STPG2: variants seen among roughly 807,000 people sequenced by gnomAD.
STPG2 encodes sperm tail PG-rich repeat containing 2.
Under a neutral mutation model 54.2 loss-of-function variants are expected in STPG2, and 56 were observed. The ratio of observed to expected loss-of-function variants is 1.03; its 90% CI spans 0.83 to 1.29. STPG2 has a LOEUF of 1.29. Ranked by LOEUF, STPG2 falls within the 50% of genes most tolerant of loss-of-function variation. The pLI is 0.00. For synonymous variants in STPG2, 200 were observed against 181.8 expected (o/e 1.10, Z -0.81); for missense variants, 596 against 544.9 (o/e 1.09, Z -0.93).
At chr4:97,788,095 C>T (rs1578564392) in intron 9 of STPG2, among the ~76,000 whole-genome samples, 1 of 151,984 alleles carries the variant, frequency 6.6e-6, no homozygotes, top group East Asian at 1.9e-4. Flanking sequence ...CAATTAGACT[C>T]TTAGTTATTT....
intron 10 of STPG2, among the ~76,000 whole-genome samples, chr4:97,696,457 G>T (rs1302458369): frequency 6.6e-6 from 1 of 152,170 alleles, no homozygotes; most frequent in African/African-American, 2.4e-5. Flanking sequence ...TTTAGACACT[G>T]GCTTAGGCCA....
At chr4:98,121,542 T>C (rs1739679165) in intron 3 of STPG2, among the ~76,000 whole-genome samples, 1 of 152,238 alleles carries the variant, frequency 6.6e-6, no homozygotes, top group African/African-American at 2.4e-5. Context: ...TTTTCATTTG[T>C]TTGTGTCCGT....
chr4:97,555,744 A>G (rs146605354), downstream of STPG2, among the ~76,000 whole-genome samples: 1 of 152,212 alleles, frequency 6.6e-6, no homozygotes, highest in African/African-American at 2.4e-5. Context: ...CTAAACAGAA[A>G]CCCAAAATAG....
At chr4:97,515,827 G>T (rs2202778) in intron 4 of STPG2, among the ~76,000 whole-genome samples, 15,323 of 151,402 alleles carry the variant, frequency 0.1, 957 homozygotes, top group South Asian at 0.18. Flanking sequence ...TATATATATA[G>T]AGAGAGAGGT....
chr4:97,830,608 G>T (rs773293201), intron 9 of STPG2, among the ~76,000 whole-genome samples: 1 of 152,116 alleles, frequency 6.6e-6, no homozygotes, highest in South Asian at 2.1e-4. Context: ...AGACCCATTG[G>T]TGTGTTGTAT....
chr4:97,821,360 G>A (rs1279530814), intron 9 of STPG2, among the ~76,000 whole-genome samples: 1 of 152,206 alleles, frequency 6.6e-6, no homozygotes, highest in Non-Finnish European at 1.5e-5. Context: ...CTCTGCCCCT[G>A]TGTCTCTGCA....
chr4:97,886,587 G>T (rs1226193310), intron 8 of STPG2, among the ~76,000 whole-genome samples: 1 of 152,182 alleles, frequency 6.6e-6, no homozygotes, highest in Non-Finnish European at 1.5e-5. Flanking sequence ...GTTTCTGGAA[G>T]AACTCAAACT....
intron 10 of STPG2, among the ~76,000 whole-genome samples, chr4:97,600,300 TATCAA>T (rs2148905827): frequency 6.6e-6 from 1 of 152,304 alleles, no homozygotes; most frequent in African/African-American, 2.4e-5. Flanking sequence ...AACAAGTATT[TATCAA>T]ATCATTTTTC....
chr4:97,769,721 A>C (rs1458274777), intron 9 of STPG2, among the ~76,000 whole-genome samples: 3 of 152,114 alleles, frequency 2.0e-5, no homozygotes, highest in Non-Finnish European at 4.4e-5. Context: ...GAAAACATAT[A>C]TATGTCTGTA....
chr4:98,022,556 T>C (rs972888297), intron 5 of STPG2, among the ~76,000 whole-genome samples: 7 of 151,692 alleles, frequency 4.6e-5, no homozygotes, highest in African/African-American at 7.3e-5. Context: ...TGAATCTGAA[T>C]GTTGGCCTGC....
At chr4:98,092,225 C>T (rs1738714885) in intron 5 of STPG2, among the ~76,000 whole-genome samples, 1 of 152,026 alleles carries the variant, frequency 6.6e-6, no homozygotes, top group South Asian at 2.1e-4. Flanking sequence ...TCTTTATTGA[C>T]ACTTTTTTCA....
chr4:97,781,135 G>A (rs1247949171), intron 9 of STPG2, among the ~76,000 whole-genome samples: 1 of 152,102 alleles, frequency 6.6e-6, no homozygotes, highest in Non-Finnish European at 1.5e-5. Flanking sequence ...AAAAATCAAT[G>A]AATCCAGGAG....
At chr4:97,818,721 C>T (rs577177919) in intron 9 of STPG2, among the ~76,000 whole-genome samples, 1 of 151,938 alleles carries the variant, frequency 6.6e-6, no homozygotes, top group African/African-American at 2.4e-5. Context: ...CCTCCCCACT[C>T]CACCCTGCAT....
chr4:97,474,267 G>GAA (rs901917333), intron 4 of STPG2, among the ~76,000 whole-genome samples: 2 of 145,900 alleles, frequency 1.4e-5, no homozygotes, highest in African/African-American at 5.0e-5. Context: ...TGTATTAATG[G>GAA]AAAAAAAAAA....
At chr4:98,031,639 C>T (rs187254237) in intron 5 of STPG2, among the ~76,000 whole-genome samples, 6 of 152,098 alleles carry the variant, frequency 3.9e-5, no homozygotes, top group African/African-American at 1.4e-4. Flanking sequence ...GAGCCGAGAT[C>T]ATGCCACCGC....
At chr4:97,490,863 G>A (rs1730489189) in intron 4 of STPG2, among the ~76,000 whole-genome samples, 1 of 151,468 alleles carries the variant, frequency 6.6e-6, no homozygotes. Context: ...ACCAGTCATT[G>A]GCAAAAAGCA....
chr4:97,647,467 C>A (rs1438299459), intron 10 of STPG2, among the ~76,000 whole-genome samples: 1 of 152,156 alleles, frequency 6.6e-6, no homozygotes, highest in Non-Finnish European at 1.5e-5. Context: ...CTGCAGCCTA[C>A]CTCCATCCTC....
At chr4:97,860,877 G>A (rs1186810609) in intron 8 of STPG2, among the ~76,000 whole-genome samples, 3 of 152,108 alleles carry the variant, frequency 2.0e-5, no homozygotes, top group Non-Finnish European at 4.4e-5. Context: ...AATGCTTTCA[G>A]CTTTTCCCCA....
chr4:98,128,166 G>T (rs1359038646), intron 3 of STPG2, among the ~76,000 whole-genome samples: 2 of 152,166 alleles, frequency 1.3e-5, no homozygotes, highest in Admixed American at 1.3e-4. Flanking sequence ...GATGACAGAA[G>T]CACAACTGGA....
Sources: allele counts gnomAD v4.1 joint callset (sites outside exome capture counted in the v4.1 genomes callset), GRCh38; gene constraint gnomAD v4.1.1; transcripts MANE v1.5; gene names NCBI Gene and HGNC (gene_info 2026-07-23, HGNC 2026-07-21).